DGUOK: variants seen among roughly 807,000 people sequenced by gnomAD.
The protein encoded by DGUOK is deoxyguanosine kinase, mitochondrial.
In DGUOK, 30 loss-of-function variants were observed where a neutral mutation model predicts 36.6. That is an observed-to-expected ratio of 0.82 (90% confidence interval 0.61 to 1.11). The LOEUF (loss-of-function observed/expected upper bound fraction) is 1.11, where lower values mean the gene tolerates loss of function less well. Among genes scored for constraint, DGUOK ranks in the 50% most tolerant of loss-of-function variants. DGUOK has a pLI of 0.00. For missense variants in DGUOK, 361 were observed against 336.4 expected (o/e 1.07, Z -0.57); for synonymous variants, 145 against 126.3 (o/e 1.15, Z -0.99).
chr2:73,948,299 T>C (rs1378607920), intron 3 of DGUOK, among the ~76,000 whole-genome samples: 8 of 152,198 alleles, frequency 5.3e-5, no homozygotes, highest in Admixed American at 2.6e-4. Flanking sequence ...CAGAGGAAAA[T>C]AGAGAAGTAG....
chr2:73,947,069 T>A, intron 3 of DGUOK, 163 bp downstream of exon 3: 1 of 731,966 alleles, frequency 1.4e-6, no homozygotes, highest in Non-Finnish European at 2.3e-6. Context: ...GTTGTACTTC[T>A]ACCAGATTGT....
chr2:73,946,984 G>A, intron 3 of DGUOK, 78 bp downstream of exon 3: 1 of 1,259,206 alleles, frequency 7.9e-7, no homozygotes, highest in Non-Finnish European at 1.1e-6. Context: ...ATCCTGCACT[G>A]CTATGGTCAC....
intron 3 of DGUOK, 114 bp downstream of exon 3, chr2:73,947,020 C>T: frequency 2.1e-6 from 2 of 959,566 alleles, no homozygotes; most frequent in Non-Finnish European, 3.2e-6. Flanking sequence ...GAAAAATTAT[C>T]TTCTTTTTTA....
At chr2:73,952,724 T>C (rs557960166) in intron 4 of DGUOK, among the ~76,000 whole-genome samples, 6 of 152,324 alleles carry the variant, frequency 3.9e-5, no homozygotes, top group African/African-American at 1.4e-4. Context: ...GGAAGTGGGC[T>C]GACTCATTCC....
At chr2:73,958,332 T>C (rs1683285357) in intron 6 of DGUOK, 87 bp downstream of exon 6, 2 of 1,014,632 alleles carry the variant, frequency 2.0e-6, no homozygotes, top group African/African-American at 3.2e-5. Context: ...TTCAATATCA[T>C]GGGTCTTGTG....
At chr2:73,929,346 T>C (rs890095239) in intron 1 of DGUOK, among the ~76,000 whole-genome samples, 2 of 152,184 alleles carry the variant, frequency 1.3e-5, no homozygotes, top group Admixed American at 6.5e-5. Flanking sequence ...CTGGGCTCAA[T>C]TGATCCTCCT....
Position 73,930,680 on chromosome 2 carries a change from C to T in DGUOK, c.142+3628C>T, listed in dbSNP as rs553602580. Among the ~76,000 whole-genome samples, 7 of 152,156 alleles carry T rather than the reference C, an allele frequency of 4.6e-5. No homozygotes were observed. The South Asian group carries it at 1.2e-3, about 27-fold the overall frequency. On this transcript the variant is annotated intron_variant, in intron 1 of 6. Coordinates refer to ENST00000264093, the MANE Select transcript of DGUOK (RefSeq NM_080916.3). ...GCTTACTGAGTGAGGACTAAGAGTC[C>T]ACTCTCATGCTGAGCACAGCAGTGA...
At chr2:73,950,252 A>G (rs1480404050) in intron 3 of DGUOK, among the ~76,000 whole-genome samples, 1 of 152,194 alleles carries the variant, frequency 6.6e-6, no homozygotes, top group East Asian at 1.9e-4. Flanking sequence ...TATTTGCTGT[A>G]TGTTCTGACT....
At chr2:73,927,129 G>T in intron 1 of DGUOK, 77 bp downstream of exon 1, 2 of 1,587,434 alleles carry the variant, frequency 1.3e-6, no homozygotes, top group Non-Finnish European at 8.5e-7. Context: ...AGCTGGGCCC[G>T]GAATGGCCTG....
intron 1 of DGUOK, among the ~76,000 whole-genome samples, chr2:73,927,988 C>A (rs1482238389): frequency 1.3e-5 from 2 of 152,098 alleles, no homozygotes; most frequent in East Asian, 3.9e-4. Context: ...GTGAATAGAA[C>A]AAATAAAAAT....
intron 3 of DGUOK, chr2:73,947,904 A>G (rs754693175): frequency 6.6e-6 from 1 of 152,204 alleles, no homozygotes; most frequent in Non-Finnish European, 1.5e-5. Context: ...TAGACAAACT[A>G]GTTCTATTTC....
intron 2 of DGUOK, among the ~76,000 whole-genome samples, chr2:73,943,393 C>T (rs1384810467): frequency 6.7e-6 from 1 of 150,240 alleles, no homozygotes; most frequent in Non-Finnish European, 1.5e-5. Context: ...AACTCCTGGG[C>T]TCAAGCGACC....
chr2:73,935,151 A>C (rs188997291), intron 1 of DGUOK, among the ~76,000 whole-genome samples: 5 of 151,920 alleles, frequency 3.3e-5, no homozygotes, highest in Admixed American at 2.6e-4. Flanking sequence ...TGAGGTGAGA[A>C]GATCACCTGA....
chr2:73,932,598 G>A, intron 1 of DGUOK: 1 of 1,296,084 alleles, frequency 7.7e-7, no homozygotes, highest in South Asian at 1.2e-5. Flanking sequence ...CTAATCACAG[G>A]TAACATCCTC....
chr2:73,956,975 G>GGTGGACGT, intron 4 of DGUOK, 150 bp from the exon 5 acceptor site: 7 of 568,314 alleles, frequency 1.2e-5, no homozygotes, highest in Non-Finnish European at 2.3e-5. Context: ...TAGATCCTCT[G>GGTGGACGT]ATTGCATAAG....
At chr2:73,953,311 G>T (rs984617814) in intron 4 of DGUOK, among the ~76,000 whole-genome samples, 1 of 134,748 alleles carries the variant, frequency 7.4e-6, no homozygotes, top group Non-Finnish European at 1.6e-5. Context: ...CGTCGTCGTC[G>T]TCGTCACTTG....
chr2:73,939,381 T>C (rs1005322275), intron 2 of DGUOK, among the ~76,000 whole-genome samples: 1 of 152,258 alleles, frequency 6.6e-6, no homozygotes, highest in African/African-American at 2.4e-5. Flanking sequence ...ATAGTGATTT[T>C]AACTTTTTAA....
chr2:73,957,938 A>G (rs914949829), intron 5 of DGUOK: 3 of 475,420 alleles, frequency 6.3e-6, no homozygotes, highest in Non-Finnish European at 1.2e-5. Flanking sequence ...TGTTAGTATC[A>G]CTCTCAAGAA....
chr2:73,950,852 A>G, intron 4 of DGUOK, 120 bp downstream of exon 4: 2 of 1,352,990 alleles, frequency 1.5e-6, no homozygotes, highest in Non-Finnish European at 2.1e-6. Context: ...TGCAGCACAG[A>G]GAGCAGTGGG....
Sources: gnomAD v4.1 joint callset for allele counts (sites outside exome capture counted in the v4.1 genomes callset) on GRCh38, gnomAD v4.1.1 for gene constraint, MANE v1.5 for transcripts, NCBI Gene and HGNC (gene_info 2026-07-23, HGNC 2026-07-21) for gene names.